PTGR1: variants seen among roughly 807,000 people sequenced by gnomAD.
The protein encoded by PTGR1 is 15-oxoprostaglandin 13-reductase.
PTGR1 carries 23 observed loss-of-function variants against 37.7 expected under a neutral mutation model. The observed-to-expected ratio is 0.61, with a 90% CI of 0.44 to 0.86. PTGR1 has a LOEUF of 0.86. Among genes scored for constraint, PTGR1 ranks in the 40% least tolerant of loss-of-function variants. The pLI is 0.00. For synonymous variants in PTGR1, 134 were observed against 140.0 expected, an observed-to-expected ratio of 0.96 and a Z score of 0.30; for missense variants, 351 against 394.3, an observed-to-expected ratio of 0.89 and a Z score of 0.93.
intron 7 of PTGR1, among the ~76,000 whole-genome samples, chr9:111,578,269 G>A (rs145921668): frequency 6.6e-6 from 1 of 151,210 alleles, no homozygotes; most frequent in East Asian, 2.0e-4. Flanking sequence ...GATTGTTGGG[G>A]GGATGGTTTC....
At chr9:111,558,484 C>A (rs1828186758), downstream of PTGR1, among the ~76,000 whole-genome samples, 2 of 152,092 alleles carry the variant, frequency 1.3e-5, no homozygotes, top group Non-Finnish European at 2.9e-5. Context: ...TTGAAGTCAG[C>A]CTGGACAACA....
intron 9 of PTGR1, among the ~76,000 whole-genome samples, chr9:111,551,493 C>T (rs566567420): frequency 1.4e-4 from 21 of 150,394 alleles, no homozygotes; most frequent in Non-Finnish European, 2.7e-4. Flanking sequence ...CTGCAACCTC[C>T]GCCTCCTGGG....
At chr9:111,598,697 G>C (rs1242365706) in intron 1 of PTGR1, among the ~76,000 whole-genome samples, 2 of 151,922 alleles carry the variant, frequency 1.3e-5, no homozygotes, top group Non-Finnish European at 2.9e-5. Flanking sequence ...GTTTCCCCAT[G>C]TTGGCCAGAC....
At chr9:111,566,412 A>G (rs943099910) in intron 9 of PTGR1, among the ~76,000 whole-genome samples, 1 of 152,184 alleles carries the variant, frequency 6.6e-6, no homozygotes, top group African/African-American at 2.4e-5. Flanking sequence ...CTATACTGGG[A>G]AGAGTGCCAA....
rs772543005 is a variant in PTGR1 at position 111,574,818 on chromosome 9, C to A, written c.676G>T (p.Val226Phe). The change falls in exon 8 of 10, where the codon GTT becomes TTT. Residue 226 changes from valine to phenylalanine, a missense_variant. By Grantham distance (50) the Val-to-Phe change is conservative. Coordinates refer to ENST00000407693, the MANE Select transcript of PTGR1 (RefSeq NM_001146108.2). ...CCAAATTTCTTCATCTGGCCGATAA[C>A]AGTGTTTGAAAACTCTCCACCTACC... ...DNVGGEFSNT[V>F]IGQMKKFGRI... 6.2e-7 allele frequency: 1 copy of A among 1,613,704 alleles called. No homozygotes were observed. The highest frequency in any genetic ancestry group is 2.2e-5 in the East Asian group (1 of 44,858).
At chr9:111,596,948 A>AAG (rs10683539) in intron 2 of PTGR1, among the ~76,000 whole-genome samples, 1 of 144,450 alleles carries the variant, frequency 6.9e-6, no homozygotes, top group African/African-American at 2.5e-5. Context: ...AAAAAAAAAA[A>AAG]GAGAAAGTGC....
At chr9:111,586,801 CTCTATA>C (rs1021170709) in intron 4 of PTGR1, among the ~76,000 whole-genome samples, 32 of 147,054 alleles carry the variant, frequency 2.2e-4, no homozygotes, top group African/African-American at 7.5e-4. Flanking sequence ...CTCTCTCTCT[CTCTATA>C]TATATATATA....
downstream of PTGR1, among the ~76,000 whole-genome samples, chr9:111,561,605 T>G (rs1828324028): frequency 6.6e-6 from 1 of 152,184 alleles, no homozygotes; most frequent in South Asian, 2.1e-4. Context: ...ATCTTGCACA[T>G]TTTTGTAGAT....
chr9:111,585,473 A>G (rs1227274268), intron 5 of PTGR1, among the ~76,000 whole-genome samples: 1 of 152,224 alleles, frequency 6.6e-6, no homozygotes, highest in East Asian at 1.9e-4. Flanking sequence ...TTTAGTGTCC[A>G]CTAATTGAAT....
intron 2 of PTGR1, among the ~76,000 whole-genome samples, chr9:111,595,990 T>C (rs768732001): frequency 1.1e-4 from 17 of 152,284 alleles, no homozygotes; most frequent in Middle Eastern, 6.8e-3. Flanking sequence ...CTTACCTCAC[T>C]GCCATCATCA....
At chr9:111,592,797 T>C in intron 4 of PTGR1, 129 bp downstream of exon 4, 1 of 1,264,488 alleles carries the variant, frequency 7.9e-7, no homozygotes, top group Non-Finnish European at 1.1e-6. Flanking sequence ...CCAAGTTGAT[T>C]CCAAGATCAC....
chr9:111,585,886 C>A, intron 5 of PTGR1, 112 bp downstream of exon 5: 1 of 1,257,310 alleles, frequency 8.0e-7, no homozygotes, highest in Admixed American at 2.1e-5. Context: ...TGATCAGCCC[C>A]TGAGCCTATC....
At chr9:111,587,153 G>A (rs936546844) in intron 4 of PTGR1, among the ~76,000 whole-genome samples, 1 of 151,978 alleles carries the variant, frequency 6.6e-6, no homozygotes, top group Non-Finnish European at 1.5e-5. Context: ...TCACCCAAAA[G>A]TCTTCCCTCA....
intron 2 of PTGR1, 101 bp downstream of exon 2, chr9:111,597,216 G>T: frequency 2.3e-6 from 2 of 880,214 alleles, no homozygotes; most frequent in Non-Finnish European, 3.6e-6. Context: ...CTAATAAACC[G>T]TTGTTGCTTA....
At chr9:111,577,273 C>A (rs1398869518) in intron 7 of PTGR1, 2 of 152,072 alleles carry the variant, frequency 1.3e-5, no homozygotes, top group African/African-American at 4.8e-5. Flanking sequence ...TCACTTCAAA[C>A]CTACTAGGAT....
chr9:111,589,207 A>G, intron 4 of PTGR1: 1 of 172,232 alleles, frequency 5.8e-6, no homozygotes, highest in Non-Finnish European at 1.2e-5. Context: ...TATAAGACCT[A>G]TATGAAGAAA....
intron 9 of PTGR1, among the ~76,000 whole-genome samples, chr9:111,567,462 A>G (rs1485610378): frequency 3.3e-5 from 5 of 152,130 alleles, no homozygotes; most frequent in Admixed American, 6.6e-5. Flanking sequence ...TGGGATTACA[A>G]GTGTGAACCA....
intron 9 of PTGR1, among the ~76,000 whole-genome samples, chr9:111,555,525 T>G (rs1564605366): frequency 6.6e-6 from 1 of 152,154 alleles, no homozygotes; most frequent in Non-Finnish European, 1.5e-5. Context: ...TACCTGAGAC[T>G]GGGTAATTTA....
intron 4 of PTGR1, 110 bp from the exon 5 acceptor site, chr9:111,586,275 T>C (rs562175680): frequency 2.1e-4 from 213 of 1,032,440 alleles, no homozygotes; most frequent in Non-Finnish European, 2.9e-4. Context: ...AGGTTGATAT[T>C]CCACAACTGA....
Sources: gnomAD v4.1 joint callset for allele counts (sites outside exome capture counted in the v4.1 genomes callset) on GRCh38, gnomAD v4.1.1 for gene constraint, MANE v1.5 for transcripts, NCBI Gene and HGNC (gene_info 2026-07-23, HGNC 2026-07-21) for gene names.